The following MTCL2 variants were observed in gnomAD, a reference collection of about 807,000 sequenced individuals.
MTCL2 encodes microtubule crosslinking factor 2, also known as microtubule cross-linking factor 2.
At chr20:36,786,584 C>A in the MTCL2 span, 1 of 1,550,974 alleles carries the variant, frequency 6.4e-7, no homozygotes, top group East Asian at 2.4e-5. Context: ...CAGAGCGGGA[C>A]GATCGGGCGA....
At chr20:36,815,624 G>A in the MTCL2 span, 115 of 1,602,810 alleles carry the variant, frequency 7.2e-5, no homozygotes, top group South Asian at 1.2e-4. The surrounding 1 kb of genome is among the most constrained non-coding windows in gnomAD (Gnocchi z 5.3). Context: ...GGCAGGAGGC[G>A]AGGTCACAGC....
chr20:36,787,669 C>CCT, the MTCL2 span, among the ~76,000 whole-genome samples: 4 of 150,514 alleles, frequency 2.7e-5, no homozygotes, highest in South Asian at 2.1e-4. Context: ...AGGTGGATCA[C>CCT]GAGGTCAGGA....
At chr20:36,804,714 T>A in the MTCL2 span, 7 of 1,608,356 alleles carry the variant, frequency 4.4e-6, no homozygotes, top group Middle Eastern at 1.7e-4. Flanking sequence ...GGGAGAGGCG[T>A]CTGACAGGTG....
chr20:36,853,019 T>C, the MTCL2 span, among the ~76,000 whole-genome samples: 1 of 148,466 alleles, frequency 6.7e-6, no homozygotes, highest in South Asian at 2.1e-4. Flanking sequence ...ATCACGCCAC[T>C]GCACTCCAGC....
chr20:36,857,139 T>G, the MTCL2 span, among the ~76,000 whole-genome samples: 1 of 152,146 alleles, frequency 6.6e-6, no homozygotes, highest in Non-Finnish European at 1.5e-5. Context: ...GATGCTAGTG[T>G]GTGTGTATAA....
the MTCL2 span, among the ~76,000 whole-genome samples, chr20:36,851,984 T>C: frequency 3.9e-5 from 6 of 152,098 alleles, no homozygotes; most frequent in Admixed American, 3.3e-4. Context: ...ACCCCAGTGG[T>C]GGGGCTCAAG....
the MTCL2 span, chr20:36,786,451 T>A: frequency 6.6e-7 from 1 of 1,515,108 alleles, no homozygotes; most frequent in Non-Finnish European, 8.8e-7. Context: ...ATCCAGGGGC[T>A]GGGCTGGTTG....
chr20:36,856,008 GACC>G, the MTCL2 span, among the ~76,000 whole-genome samples: 24 of 152,096 alleles, frequency 1.6e-4, no homozygotes, highest in Admixed American at 1.6e-3. Flanking sequence ...GCTGCAACAA[GACC>G]ACTCCCAGCA....
chr20:36,799,704 G>A, the MTCL2 span, among the ~76,000 whole-genome samples: 1 of 149,334 alleles, frequency 6.7e-6, no homozygotes, highest in Non-Finnish European at 1.5e-5. Flanking sequence ...AGAAAGAAAC[G>A]AAGAAAGAAG....
the MTCL2 span, among the ~76,000 whole-genome samples, chr20:36,820,841 C>CA: frequency 3.8e-3 from 513 of 135,020 alleles, 1 homozygote; most frequent in Admixed American, 5.8e-3. Flanking sequence ...GACTCTGTCT[C>CA]AAAAAAAAAA....
the MTCL2 span, among the ~76,000 whole-genome samples, chr20:36,814,581 T>C: frequency 1.3e-5 from 2 of 152,074 alleles, no homozygotes; most frequent in Non-Finnish European, 2.9e-5. Context: ...AGATTCCATC[T>C]CTACAAAAAA....
chr20:36,835,919 C>T, the MTCL2 span, among the ~76,000 whole-genome samples: 1 of 152,188 alleles, frequency 6.6e-6, no homozygotes, highest in Non-Finnish European at 1.5e-5. Context: ...AGCTCCAGGT[C>T]CCAGCCTCTC....
the MTCL2 span, chr20:36,829,274 C>T: frequency 6.7e-7 from 1 of 1,487,104 alleles, no homozygotes; most frequent in Non-Finnish European, 9.0e-7. Context: ...ACTGCAAGTC[C>T]CACTGACCAC....
the MTCL2 span, among the ~76,000 whole-genome samples, chr20:36,811,784 T>C: frequency 2.0e-4 from 30 of 152,280 alleles, no homozygotes; most frequent in Non-Finnish European, 3.5e-4. Flanking sequence ...CCTTCCCACA[T>C]AGTCATGGGC....
At chr20:36,817,496 A>G in the MTCL2 span, 1 of 1,528,102 alleles carries the variant, frequency 6.5e-7, no homozygotes. Flanking sequence ...TTAAAAAAAA[A>G]AAAAAAAGTC....
the MTCL2 span, among the ~76,000 whole-genome samples, chr20:36,825,717 CAGA>C: frequency 1.3e-5 from 2 of 152,202 alleles, no homozygotes; most frequent in Non-Finnish European, 2.9e-5. Flanking sequence ...GAGGCTCTGG[CAGA>C]AGAATTGCTC....
chr20:36,787,433 G>A, the MTCL2 span, among the ~76,000 whole-genome samples: 1 of 151,896 alleles, frequency 6.6e-6, no homozygotes, highest in Non-Finnish European at 1.5e-5. Flanking sequence ...TTAGCATGTT[G>A]GTCAGGCTCA....
At chr20:36,808,449 G>T in the MTCL2 span, 2 of 1,381,590 alleles carry the variant, frequency 1.4e-6, no homozygotes, top group Non-Finnish European at 2.0e-6. Flanking sequence ...CCAGCTGGGC[G>T]TCCCTTCCCT....
the MTCL2 span, among the ~76,000 whole-genome samples, chr20:36,856,916 T>G: frequency 6.6e-6 from 1 of 152,240 alleles, no homozygotes; most frequent in Non-Finnish European, 1.5e-5. Flanking sequence ...CTCTGGCTCC[T>G]GTGGGCAAAT....
Sources: gnomAD v4.1 joint callset for allele counts (sites outside exome capture counted in the v4.1 genomes callset) on GRCh38, gnomAD v4.1.1 for gene constraint, Gnocchi (gnomAD v3.1) non-coding constraint, MANE v1.5 for transcripts, NCBI Gene and HGNC (gene_info 2026-07-23, HGNC 2026-07-21) for gene names.